The following DST variants were observed in gnomAD, a reference collection of about 807,000 sequenced individuals.
The protein encoded by DST is bullous pemphigoid antigen.
Under a neutral mutation model 875.2 loss-of-function variants are expected in DST, and 253 were observed. The observed-to-expected ratio is 0.29, with a 90% confidence interval of 0.26 to 0.32. The LOEUF (loss-of-function observed/expected upper bound fraction) is 0.32. Among genes scored for constraint, DST ranks in the 10% least tolerant of loss-of-function variants. The pLI, the probability that DST is intolerant of heterozygous loss-of-function variation, is 1.00. For synonymous variants in DST, 3,124 were observed against 3,197.1 expected, an observed-to-expected ratio of 0.98 and a Z score of 0.77; for missense variants, 8,287 against 9,111.6, an observed-to-expected ratio of 0.91 and a Z score of 3.68.
intron 2 of DST, among the ~76,000 whole-genome samples, chr6:56,933,883 T>C (rs112511652): frequency 6.6e-6 from 1 of 152,274 alleles, no homozygotes; most frequent in Non-Finnish European, 1.5e-5. Flanking sequence ...TAGCTTACTC[T>C]GCCAACAGTA....
chr6:56,742,135 C>T (rs1200372628), intron 4 of DST: 15 of 455,320 alleles, frequency 3.3e-5, no homozygotes, highest in Non-Finnish European at 5.0e-5. Context: ...CAGAAGTTGT[C>T]CTGATTTCAG....
At chr6:56,577,078 G>C (rs952577635) in intron 50 of DST, among the ~76,000 whole-genome samples, 2 of 152,020 alleles carry the variant, frequency 1.3e-5, no homozygotes, top group Non-Finnish European at 2.9e-5. Context: ...TAAATCATTG[G>C]TTTTCTTAGA....
chr6:56,549,260 T>A (rs1401912262), intron 61 of DST, among the ~76,000 whole-genome samples: 1 of 152,202 alleles, frequency 6.6e-6, no homozygotes, highest in Admixed American at 6.5e-5. Flanking sequence ...GACATTAGGT[T>A]AAACTAAAGC....
rs35394550 is a variant in DST, at chr6:56,920,895, A to ATTTTTTTTT, written c.217-20283_217-20275dup. On this transcript the variant is annotated intron_variant, in intron 2 of 103. Coordinates refer to ENST00000680361, the MANE Select transcript of DST (RefSeq NM_001374736.1). The stretch of plus-strand genomic sequence containing the variant: ...AGGAACACACAACCACGCCCAGCTA[A>ATTTTTTTTT]TTTTTTTTTTTTTTTTTTTTTTTTT... 8.0e-4 allele frequency among the ~76,000 whole-genome samples: 48 copies of ATTTTTTTTT among 59,690 alleles called. 2 individuals carry two copies. The highest frequency in any genetic ancestry group is 1.2e-3 in the Non-Finnish European group (39 of 32,130). 39.2% of individuals were successfully genotyped at this position (59,690 alleles called of 152,430 possible).
intron 69 of DST, among the ~76,000 whole-genome samples, chr6:56,526,062 A>T (rs1256072932): frequency 6.6e-6 from 1 of 152,220 alleles, no homozygotes; most frequent in African/African-American, 2.4e-5. Flanking sequence ...AGCAATATGC[A>T]TATGTGTAGA....
At chr6:56,633,782 G>A (rs1005919054) in intron 27 of DST, among the ~76,000 whole-genome samples, 1 of 152,190 alleles carries the variant, frequency 6.6e-6, no homozygotes, top group Non-Finnish European at 1.5e-5. Context: ...GATTACAGGC[G>A]TGAGCCACCG....
At position 56,701,949 on chromosome 6, in the gene DST, C is replaced by T. The variant is rs761166646; in HGVS notation, c.893G>A (p.Arg298Gln). The T allele has an allele frequency of 3.7e-6, 6 of 1,610,496 alleles. No homozygotes were observed. The highest frequency in any genetic ancestry group is 2.2e-5 in the South Asian group (2 of 90,810). ...DEDKGPREKG[R>Q]MRFHRLQNVQ... ...ATTCTGTAGTCTGTGAAAACGCATC[C>T]GACCTTTTTCTCTGGGCTAAGAACA... The change falls in exon 8 of 104, where the codon CGG (arginine) becomes CAG (glutamine). Residue 298 changes from arginine (R) to glutamine (Q), a missense_variant. Transcript: ENST00000680361.
At chr6:56,578,309 A>G (rs1224206293) in intron 50 of DST, among the ~76,000 whole-genome samples, 1 of 152,194 alleles carries the variant, frequency 6.6e-6, no homozygotes, top group Non-Finnish European at 1.5e-5. Flanking sequence ...CAGGAAGTCA[A>G]GGCTGCAGTG....
At chr6:56,636,279 C>T (rs1169488334) in intron 23 of DST, among the ~76,000 whole-genome samples, 2 of 150,840 alleles carry the variant, frequency 1.3e-5, no homozygotes, top group Admixed American at 1.3e-4. Context: ...AACACACACA[C>T]ACACACACAT....
rs548489982 is a variant in DST, at chr6:56,628,281, T to A, written c.4476-120A>T. On this transcript the variant is annotated intron_variant, in intron 32 of 103. Coordinates refer to ENST00000680361, the MANE Select transcript of DST (RefSeq NM_001374736.1). ...CAATGAACTAAGCACAAGACGGGTATGTATAAAGAACTCAAGGCTGCAGCA... is the reference window on the plus strand; with the variant it reads ...CAATGAACTAAGCACAAGACGGGTAAGTATAAAGAACTCAAGGCTGCAGCA... 1.7e-5 allele frequency: 15 copies of A among 871,028 alleles called. No homozygotes were observed. In the East Asian group the frequency reaches 3.8e-4, roughly 22 times the overall value. The allele number at this position is 871,028 out of a possible 1,614,324, so 54.0% of individuals were successfully genotyped here.
At chr6:56,683,189 G>A (rs906012647) in intron 9 of DST, among the ~76,000 whole-genome samples, 7 of 152,318 alleles carry the variant, frequency 4.6e-5, no homozygotes, top group African/African-American at 1.7e-4. Flanking sequence ...ATCAACTTGA[G>A]TCAAGGCAAC....
intron 10 of DST, among the ~76,000 whole-genome samples, chr6:56,655,125 C>T (rs2152804113): frequency 7.0e-6 from 1 of 142,686 alleles, no homozygotes; most frequent in South Asian, 2.2e-4. Flanking sequence ...CGCGCCATTG[C>T]ATCCCAGCCT....
At chr6:56,582,008 A>G (rs11969402) in intron 49 of DST, among the ~76,000 whole-genome samples, 51,002 of 152,010 alleles carry the variant, frequency 0.34, 9,316 homozygotes, top group Admixed American at 0.41. Context: ...CAAATCAATC[A>G]ACAATTTTAC....
intron 38 of DST, 140 bp downstream of exon 38, chr6:56,611,368 C>T (rs1018137044): frequency 1.6e-6 from 1 of 621,696 alleles, no homozygotes; most frequent in South Asian, 1.8e-5. Flanking sequence ...AGTTGATACT[C>T]TTTACATTAC....
intron 3 of DST, among the ~76,000 whole-genome samples, chr6:56,885,971 C>A (rs9475742): frequency 0.03 from 4,583 of 152,230 alleles, 202 homozygotes; most frequent in African/African-American, 0.1. Flanking sequence ...AGTTGATTAT[C>A]TAATTTACCA....
At chr6:56,928,499 G>A (rs1808405445) in intron 2 of DST, among the ~76,000 whole-genome samples, 1 of 152,090 alleles carries the variant, frequency 6.6e-6, no homozygotes, top group Non-Finnish European at 1.5e-5. Flanking sequence ...GGAAACATCA[G>A]AGACTTTCCC....
Position 56,799,964 on chromosome 6 carries a change from T to C in DST, c.625+51433A>G, listed in dbSNP as rs116680030. Reference sequence around the variant, plus strand: ...TAATTAAGGTGTATACATTATTCTTTTAGACATAATGCTATTGCACACTTA... The same window carrying C: ...TAATTAAGGTGTATACATTATTCTTCTAGACATAATGCTATTGCACACTTA... On this transcript the variant is annotated intron_variant, in intron 4 of 103. Coordinates refer to ENST00000680361, the MANE Select transcript of DST (RefSeq NM_001374736.1). 6.9e-3 allele frequency among the ~76,000 whole-genome samples: 1,045 copies of C among 152,304 alleles called. 14 individuals carry two copies. Among genetic ancestry groups the C allele is most frequent in the African/African-American group, 0.024 (1,013 of 41,560 alleles).
chr6:56,705,464 G>A (rs2099329368), intron 5 of DST, among the ~76,000 whole-genome samples: 1 of 152,140 alleles, frequency 6.6e-6, no homozygotes, highest in Middle Eastern at 3.2e-3. Context: ...GAGGCCTAAT[G>A]TAAACTGGAA....
intron 2 of DST, among the ~76,000 whole-genome samples, chr6:56,920,154 A>G (rs1803350193): frequency 6.6e-6 from 1 of 152,216 alleles, no homozygotes; most frequent in East Asian, 1.9e-4. Context: ...ATCCAAAAGT[A>G]CAGCTATTAA....
Sources: gnomAD v4.1 joint callset for allele counts (sites outside exome capture counted in the v4.1 genomes callset) on GRCh38, gnomAD v4.1.1 for gene constraint, MANE v1.5 for transcripts, NCBI Gene and HGNC (gene_info 2026-07-23, HGNC 2026-07-21) for gene names.